VPS45: variants seen among roughly 807,000 people sequenced by gnomAD.
VPS45 encodes the protein vacuolar protein sorting 45 homolog, also known as vacuolar protein sorting-associated protein 45.
A neutral mutation model predicts 75.9 loss-of-function variants in VPS45; 35 were observed. The ratio of observed to expected loss-of-function variants is 0.46; its 90% CI spans 0.35 to 0.61. The LOEUF is 0.61. Ranked by LOEUF, VPS45 falls within the 20% of genes least tolerant of loss-of-function variation. VPS45 has a pLI of 0.00. For missense variants in VPS45, 559 were observed against 685.9 expected, an observed-to-expected ratio of 0.81 and a Z score of 2.07; for synonymous variants, 220 against 238.2, an observed-to-expected ratio of 0.92 and a Z score of 0.70.
At position 150,069,582 on chromosome 1, in the gene VPS45, G is replaced by A. The variant is rs587729394; in HGVS notation, c.228+818G>A. Among the ~76,000 whole-genome samples the A allele has an allele frequency of 4.2e-3, 627 of 148,826 alleles. 7 individuals carry two copies. Among genetic ancestry groups the A allele is most frequent in the African/African-American group, 0.015 (595 of 40,152 alleles). ...CGCCATTCTCCTGCCTCAGCCTCCC[G>A]AGTAGCTGGGACTACAGGTGCCCGC... On this transcript the variant is annotated intron_variant, in intron 2 of 14. Transcript: ENST00000644510.
chr1:150,123,207 T>C (rs1553810048), intron 14 of VPS45, among the ~76,000 whole-genome samples: 1 of 152,186 alleles, frequency 6.6e-6, no homozygotes, highest in East Asian at 1.9e-4. Context: ...CTTTATTCCT[T>C]TTTATGACTG....
At chr1:150,095,069 A>G (rs1226565306) in intron 13 of VPS45, among the ~76,000 whole-genome samples, 1 of 152,250 alleles carries the variant, frequency 6.6e-6, no homozygotes, top group African/African-American at 2.4e-5. Flanking sequence ...GAATGCTTTC[A>G]GTATGTTAAG....
chr1:150,089,280 A>G (rs965858349), intron 10 of VPS45, among the ~76,000 whole-genome samples: 1 of 152,188 alleles, frequency 6.6e-6, no homozygotes, highest in Non-Finnish European at 1.5e-5. Flanking sequence ...AAGGGCAGGA[A>G]ATGAGACATT....
intron 13 of VPS45, among the ~76,000 whole-genome samples, chr1:150,095,575 G>A (rs1183816179): frequency 1.3e-4 from 19 of 149,276 alleles, no homozygotes; most frequent in African/African-American, 4.0e-4. Flanking sequence ...AATTTGCACC[G>A]TTGCACTCGA....
intron 10 of VPS45, 37 bp downstream of exon 10, chr1:150,082,920 G>A (rs1655797555): frequency 1.9e-6 from 3 of 1,589,160 alleles, no homozygotes; most frequent in Admixed American, 1.8e-5. Context: ...TATGTGTAAG[G>A]CACTGTGCCA....
chr1:150,113,547 G>A (rs1553807632), intron 14 of VPS45, among the ~76,000 whole-genome samples: 1 of 152,084 alleles, frequency 6.6e-6, no homozygotes, highest in Admixed American at 6.6e-5. Context: ...TCATTATTAT[G>A]ACTTCTGTCA....
At chr1:150,142,148 A>G (rs1298761912) in intron 14 of VPS45, among the ~76,000 whole-genome samples, 2 of 152,020 alleles carry the variant, frequency 1.3e-5, no homozygotes, top group Admixed American at 6.6e-5. Context: ...TATAAATAGT[A>G]AGTGTGTTCT....
At chr1:150,123,923 G>A (rs782410113) in intron 14 of VPS45, among the ~76,000 whole-genome samples, 4 of 152,070 alleles carry the variant, frequency 2.6e-5, no homozygotes, top group Non-Finnish European at 5.9e-5. Context: ...GCTAGAAGAT[G>A]GCATGAGAGC....
chr1:150,090,907 C>CA (rs1656291660), intron 10 of VPS45, among the ~76,000 whole-genome samples: 2 of 152,182 alleles, frequency 1.3e-5, no homozygotes, highest in Admixed American at 6.5e-5. Flanking sequence ...GAAAGTGCAA[C>CA]AGTTCTTGAA....
At chr1:150,102,611 A>G (rs1252534948) in intron 13 of VPS45, among the ~76,000 whole-genome samples, 6 of 152,086 alleles carry the variant, frequency 3.9e-5, no homozygotes, top group African/African-American at 1.4e-4. Flanking sequence ...TAGTTAAGAC[A>G]CGGAATCAAC....
chr1:150,088,516 A>G (rs1420810885), intron 10 of VPS45, among the ~76,000 whole-genome samples: 1 of 111,026 alleles, frequency 9.0e-6, no homozygotes, highest in East Asian at 2.5e-4. Flanking sequence ...GTTTGGCTCT[A>G]TCGCCCAGGC....
At chr1:150,067,729 G>A (rs781907795), upstream of VPS45, 18 of 844,812 alleles carry the variant, frequency 2.1e-5, no homozygotes, top group Middle Eastern at 3.4e-4. Flanking sequence ...CAGCACCGTG[G>A]CTGCCCGGAC....
At chr1:150,114,687 G>C (rs1171754341) in intron 14 of VPS45, among the ~76,000 whole-genome samples, 1 of 151,852 alleles carries the variant, frequency 6.6e-6, no homozygotes, top group Non-Finnish European at 1.5e-5. Context: ...CTTGAGCCCA[G>C]GAATTCAAGA....
chr1:150,092,207 G>A, intron 11 of VPS45, 95 bp from the exon 12 acceptor site: 1 of 1,525,654 alleles, frequency 6.6e-7, no homozygotes, highest in Non-Finnish European at 8.9e-7. Context: ...GTATAATTCT[G>A]TCTTTTCATT....
intron 14 of VPS45, among the ~76,000 whole-genome samples, chr1:150,140,238 T>C (rs921547396): frequency 3.9e-5 from 6 of 152,146 alleles, no homozygotes; most frequent in Non-Finnish European, 7.3e-5. Context: ...ACCACTACCA[T>C]CTCCAATACT....
chr1:150,130,396 A>G (rs1553812087), intron 14 of VPS45, among the ~76,000 whole-genome samples: 7 of 150,822 alleles, frequency 4.6e-5, no homozygotes, highest in Non-Finnish European at 1.0e-4. Context: ...ACCATGTTAC[A>G]GCCTAGGCTG....
intron 13 of VPS45, 146 bp downstream of exon 13, chr1:150,093,794 C>A: frequency 2.0e-6 from 2 of 1,015,098 alleles, no homozygotes; most frequent in Non-Finnish European, 2.8e-6. Context: ...CATATGTCAG[C>A]ATTAGATATG....
At chr1:150,126,698 G>A (rs978370367) in intron 14 of VPS45, among the ~76,000 whole-genome samples, 1 of 151,976 alleles carries the variant, frequency 6.6e-6, no homozygotes, top group Non-Finnish European at 1.5e-5. Context: ...AGCAGAGGTG[G>A]CCCATGCCTG....
At chr1:150,108,081 AAAGTGACCATC>A (rs1367861795) in intron 13 of VPS45, among the ~76,000 whole-genome samples, 2 of 152,228 alleles carry the variant, frequency 1.3e-5, no homozygotes, top group Admixed American at 1.3e-4. Flanking sequence ...CTAGAAGGCT[AAAGTGACCATC>A]AAGTAAGATA....
Sources: gnomAD v4.1 joint callset for allele counts (sites outside exome capture counted in the v4.1 genomes callset) on GRCh38, gnomAD v4.1.1 for gene constraint, MANE v1.5 for transcripts, NCBI Gene and HGNC (gene_info 2026-07-23, HGNC 2026-07-21) for gene names.